The following RAI14 variants were observed in gnomAD, a reference collection of about 807,000 sequenced individuals.
RAI14 encodes ankycorbin.
RAI14 carries 45 observed loss-of-function variants against 115.4 expected under a neutral mutation model. The ratio of observed to expected loss-of-function variants is 0.39; its 90% CI spans 0.31 to 0.50. The LOEUF (loss-of-function observed/expected upper bound fraction) is 0.50, where lower values mean the gene tolerates loss of function less well. RAI14 is among the 20% of genes least tolerant of loss of function. RAI14 has a pLI of 0.85. For synonymous variants in RAI14, 371 were observed against 415.4 expected (o/e 0.89, Z 1.30); for missense variants, 939 against 1,131.2 (o/e 0.83, Z 2.44).
chr5:34,811,264 A>G (rs1054073131), intron 8 of RAI14, 146 bp downstream of exon 8: 24 of 999,528 alleles, frequency 2.4e-5, no homozygotes, highest in Admixed American at 5.5e-5. Flanking sequence ...GTTTCTGATA[A>G]TCAAGAATCT....
In RAI14 at chr5:34,737,134, G is replaced by A. The variant is rs569177310; in HGVS notation, c.37-20334G>A. Among the ~76,000 whole-genome samples, 7 of 152,110 alleles carry A rather than the reference G, an allele frequency of 4.6e-5. No individual in the cohort carries two copies. In the South Asian group the frequency reaches 8.3e-4, roughly 18 times the overall value. On this transcript the variant is annotated intron_variant, in intron 2 of 17. Coordinates refer to ENST00000265109, the MANE Select transcript of RAI14 (RefSeq NM_015577.3). ...GTTTTCTCCCAAAACCATCTCCCCC[G>A]GCCCCTGGTCTATGGAAAAATTGTC...
Position 34,822,832 on chromosome 5 carries a change from C to T in RAI14, c.1114-124C>T, listed in dbSNP as rs187175596. On this transcript the variant is annotated intron_variant, in intron 14 of 17. Transcript: ENST00000265109. Reference sequence around the variant, plus strand: ...CCGAGTAGCTGGGATCACAGGCGCCCGCCACCACGCCCGGCTAATTTTTTG... The same window carrying T: ...CCGAGTAGCTGGGATCACAGGCGCCTGCCACCACGCCCGGCTAATTTTTTG... 83 of 820,022 alleles carry T rather than the reference C, an allele frequency of 1.0e-4. No homozygotes were observed. The South Asian group carries it at 1.0e-3, about 10-fold the overall frequency. The allele number at this position is 820,022 out of a possible 1,614,324, so 50.8% of individuals were successfully genotyped here.
chr5:34,722,886 A>G (rs925445961), intron 2 of RAI14, among the ~76,000 whole-genome samples: 4 of 152,128 alleles, frequency 2.6e-5, no homozygotes, highest in Non-Finnish European at 4.4e-5. Context: ...CCTGACCAAC[A>G]TGGTGAAACC....
intron 2 of RAI14, among the ~76,000 whole-genome samples, chr5:34,739,576 G>C (rs780357568): frequency 2.0e-5 from 3 of 152,166 alleles, no homozygotes; most frequent in Non-Finnish European, 4.4e-5. Flanking sequence ...TATTTTGGGG[G>C]CAGTTGGGGC....
intron 2 of RAI14, among the ~76,000 whole-genome samples, chr5:34,709,117 G>A (rs1226735747): frequency 7.3e-6 from 1 of 137,496 alleles, no homozygotes; most frequent in African/African-American, 2.8e-5. Context: ...GCAACAAAGT[G>A]AGACCCTATC....
chr5:34,732,809 T>C (rs1744371730), intron 2 of RAI14, among the ~76,000 whole-genome samples: 1 of 149,146 alleles, frequency 6.7e-6, no homozygotes, highest in Non-Finnish European at 1.5e-5. Context: ...TTTATGTATA[T>C]ATATAATATG....
intron 1 of RAI14, among the ~76,000 whole-genome samples, chr5:34,683,332 C>A (rs1468377535): frequency 6.6e-6 from 1 of 152,088 alleles, no homozygotes; most frequent in Non-Finnish European, 1.5e-5. Context: ...GGAAGACACT[C>A]AGTTTGGCGG....
At chr5:34,775,572 A>AAATG (rs1750732022) in intron 3 of RAI14, among the ~76,000 whole-genome samples, 2 of 152,206 alleles carry the variant, frequency 1.3e-5, no homozygotes, top group Non-Finnish European at 2.9e-5. Context: ...TCTCTATTTA[A>AAATG]AATGAATGAA....
chr5:34,696,213 A>C (rs1330361675), intron 2 of RAI14, among the ~76,000 whole-genome samples: 1 of 152,026 alleles, frequency 6.6e-6, no homozygotes, highest in Non-Finnish European at 1.5e-5. Flanking sequence ...ATCTTGGCTC[A>C]CTGCAACCTC....
chr5:34,824,536 A>C, intron 15 of RAI14, 45 bp downstream of exon 15: 1 of 1,440,442 alleles, frequency 6.9e-7, no homozygotes. Flanking sequence ...AATAAGTCTT[A>C]GTCTCTTTGG....
chr5:34,786,881 A>G (rs1223475506), intron 3 of RAI14, among the ~76,000 whole-genome samples: 1 of 152,164 alleles, frequency 6.6e-6, no homozygotes, highest in African/African-American at 2.4e-5. Flanking sequence ...TTGAACAGAG[A>G]TTTACCCACA....
chr5:34,795,480 C>T (rs1340491164), intron 3 of RAI14, among the ~76,000 whole-genome samples: 1 of 152,206 alleles, frequency 6.6e-6, no homozygotes, highest in East Asian at 1.9e-4. Flanking sequence ...GTCCAAGAAC[C>T]TTGGCCACTG....
Position 34,681,779 on chromosome 5 carries a change from G to A in RAI14, c.-48-5093G>A, listed in dbSNP as rs533912417. Among the ~76,000 whole-genome samples, 188 of 151,906 alleles carry A rather than the reference G, an allele frequency of 1.2e-3. 1 individual carries two copies. Among genetic ancestry groups the A allele is most frequent in the African/African-American group, 4.4e-3 (183 of 41,440 alleles). On this transcript the variant is annotated intron_variant, in intron 1 of 17. Transcript: ENST00000265109. ...CTCCCAAAATGTTGGGATTACAGAT[G>A]TGAGTTGCTGTGCCCGCCCTGCTGC...
chr5:34,777,635 T>C (rs1751033676), intron 3 of RAI14, among the ~76,000 whole-genome samples: 1 of 152,006 alleles, frequency 6.6e-6, no homozygotes, highest in Non-Finnish European at 1.5e-5. Context: ...CAAAATTAGC[T>C]GGGCTTGGTG....
intron 2 of RAI14, among the ~76,000 whole-genome samples, chr5:34,690,815 G>A (rs1288842228): frequency 6.6e-6 from 1 of 152,046 alleles, no homozygotes; most frequent in Non-Finnish European, 1.5e-5. Context: ...ACTTTATTTT[G>A]GGAGTTCTTA....
At chr5:34,763,516 G>A (rs960133756) in intron 3 of RAI14, among the ~76,000 whole-genome samples, 8 of 152,184 alleles carry the variant, frequency 5.3e-5, no homozygotes, top group Non-Finnish European at 1.2e-4. Context: ...CTAGTTGGGA[G>A]GTACTCCCTG....
intron 2 of RAI14, among the ~76,000 whole-genome samples, chr5:34,715,107 G>A (rs1561269294): frequency 6.6e-6 from 1 of 152,284 alleles, no homozygotes; most frequent in East Asian, 1.9e-4. Context: ...GGCAAGGGGA[G>A]CGTGGGCATA....
chr5:34,691,348 AGATT>A (rs1291026356), intron 2 of RAI14, among the ~76,000 whole-genome samples: 1 of 152,242 alleles, frequency 6.6e-6, no homozygotes, highest in Non-Finnish European at 1.5e-5. Context: ...AAAAATGGAT[AGATT>A]GACTTTTATG....
intron 10 of RAI14, 26 bp downstream of exon 10, chr5:34,812,234 A>G (rs1755687276): frequency 1.3e-6 from 2 of 1,557,766 alleles, no homozygotes; most frequent in Admixed American, 1.8e-5. Context: ...GGAGGCTTCT[A>G]TGTTTCATTT....
Sources: gnomAD v4.1 joint callset for allele counts (sites outside exome capture counted in the v4.1 genomes callset) on GRCh38, gnomAD v4.1.1 for gene constraint, MANE v1.5 for transcripts, NCBI Gene and HGNC (gene_info 2026-07-23, HGNC 2026-07-21) for gene names.